Variants in SH3GL2 observed in about 807,000 individuals in gnomAD.
SH3GL2 encodes the protein SH3 domain containing GRB2 like 2, endophilin A1, also known as endophilin-A1.
In SH3GL2, 24 loss-of-function variants were observed where a neutral mutation model predicts 46.0. The observed-to-expected ratio is 0.52, with a 90% confidence interval of 0.38 to 0.73. The LOEUF is 0.73. Ranked by LOEUF, SH3GL2 falls within the 30% of genes least tolerant of loss-of-function variation. The pLI is 0.00. For missense variants in SH3GL2, 413 were observed against 424.2 expected (o/e 0.97, Z 0.23); for synonymous variants, 196 against 147.1 (o/e 1.33, Z -2.40).
At chr9:17,648,157 G>A (rs1819871316) in intron 1 of SH3GL2, among the ~76,000 whole-genome samples, 1 of 152,168 alleles carries the variant, frequency 6.6e-6, no homozygotes, top group South Asian at 2.1e-4. Context: ...GCTATTAGTA[G>A]TTAAGCTTTG....
chr9:17,629,101 A>G (rs1819361694), intron 1 of SH3GL2, among the ~76,000 whole-genome samples: 1 of 151,692 alleles, frequency 6.6e-6, no homozygotes, highest in African/African-American at 2.4e-5. Context: ...TAGTAGGAGG[A>G]TTGCGTGGAG....
intron 1 of SH3GL2, among the ~76,000 whole-genome samples, chr9:17,696,585 G>C (rs1185445558): frequency 6.6e-6 from 1 of 152,130 alleles, no homozygotes; most frequent in Non-Finnish European, 1.5e-5. Context: ...CGGTAGGAAG[G>C]AGAAGTGCCG....
At chr9:17,629,564 GT>G (rs372521707) in intron 1 of SH3GL2, among the ~76,000 whole-genome samples, 154 of 152,252 alleles carry the variant, frequency 1.0e-3, no homozygotes, top group South Asian at 5.8e-3. Context: ...TACAGCTCTG[GT>G]TGTACATAAG....
intron 1 of SH3GL2, among the ~76,000 whole-genome samples, chr9:17,609,360 A>G (rs1818818787): frequency 6.6e-6 from 1 of 152,064 alleles, no homozygotes; most frequent in South Asian, 2.1e-4. Context: ...AAGCAGATCC[A>G]TTGAGCACTT....
chr9:17,738,531 T>C (rs537834332), intron 1 of SH3GL2, among the ~76,000 whole-genome samples: 1 of 122,944 alleles, frequency 8.1e-6, no homozygotes, highest in Non-Finnish European at 1.7e-5. Context: ...TGTATATACA[T>C]ACATATATAC....
At chr9:17,590,686 C>G (rs1173676089) in intron 1 of SH3GL2, 3 of 152,142 alleles carry the variant, frequency 2.0e-5, no homozygotes, top group African/African-American at 4.8e-5. Context: ...TTCCCTAGCT[C>G]CAAGAAAAGC....
At chr9:17,679,473 G>A (rs1820707830) in intron 1 of SH3GL2, among the ~76,000 whole-genome samples, 1 of 152,144 alleles carries the variant, frequency 6.6e-6, no homozygotes, top group Non-Finnish European at 1.5e-5. Context: ...TTTGCACATT[G>A]ATTTTGTATC....
intron 1 of SH3GL2, among the ~76,000 whole-genome samples, chr9:17,678,380 G>A (rs1447002368): frequency 6.6e-6 from 1 of 152,000 alleles, no homozygotes; most frequent in South Asian, 2.1e-4. Context: ...TTTCTCTGAT[G>A]GTCAGTGATG....
At chr9:17,616,553 G>T (rs961776181) in intron 1 of SH3GL2, among the ~76,000 whole-genome samples, 4 of 152,106 alleles carry the variant, frequency 2.6e-5, no homozygotes, top group Non-Finnish European at 4.4e-5. Flanking sequence ...AGATCTGGGG[G>T]TCTGAGAGTC....
chr9:17,595,126 G>A lies in SH3GL2; in HGVS notation c.45+15839G>A, dbSNP rs138373512. Among the ~76,000 whole-genome samples the A allele has an allele frequency of 2.9e-3, 437 of 152,198 alleles. 1 individual carries two copies. Among genetic ancestry groups the A allele is most frequent in the African/African-American group, 0.01 (417 of 41,518 alleles). The stretch of plus-strand genomic sequence containing the variant: ...ATGAGGAAGCTGAAACACAGAGGTG[G>A]TTACACAGCTTCAGTGGCAGAGTCA... On this transcript the variant is annotated intron_variant, in intron 1 of 8. Transcript: ENST00000380607.
chr9:17,611,301 A>G (rs1818860561), intron 1 of SH3GL2, among the ~76,000 whole-genome samples: 1 of 152,192 alleles, frequency 6.6e-6, no homozygotes, highest in Non-Finnish European at 1.5e-5. Context: ...TGGGTACGTG[A>G]TAGACATATA....
At chr9:17,618,614 C>T (rs1032942796) in intron 1 of SH3GL2, among the ~76,000 whole-genome samples, 6 of 152,094 alleles carry the variant, frequency 3.9e-5, no homozygotes, top group African/African-American at 4.8e-5. Context: ...AATGTTAATG[C>T]GCTTGACTGT....
intron 1 of SH3GL2, among the ~76,000 whole-genome samples, chr9:17,602,583 C>T (rs1818691300): frequency 6.6e-6 from 1 of 152,052 alleles, no homozygotes; most frequent in Non-Finnish European, 1.5e-5. Context: ...GAGGAGTAAC[C>T]GGATCCCATG....
At chr9:17,656,569 G>C (rs1268073150) in intron 1 of SH3GL2, among the ~76,000 whole-genome samples, 1 of 151,954 alleles carries the variant, frequency 6.6e-6, no homozygotes, top group Non-Finnish European at 1.5e-5. Context: ...TGATTGGTAT[G>C]TTTTATCTTA....
chr9:17,602,644 G>A (rs1033670003), intron 1 of SH3GL2, among the ~76,000 whole-genome samples: 69 of 152,256 alleles, frequency 4.5e-4, no homozygotes, highest in African/African-American at 1.7e-3. Flanking sequence ...GCAAAAGAAG[G>A]ATTATAAACA....
chr9:17,596,094 A>T (rs1430668946), intron 1 of SH3GL2, among the ~76,000 whole-genome samples: 1 of 152,160 alleles, frequency 6.6e-6, no homozygotes, highest in Non-Finnish European at 1.5e-5. Context: ...CATCACGGGG[A>T]CTAGGAACAA....
At chr9:17,710,357 A>G (rs1437981446) in intron 1 of SH3GL2, among the ~76,000 whole-genome samples, 2 of 151,972 alleles carry the variant, frequency 1.3e-5, no homozygotes, top group Non-Finnish European at 2.9e-5. Flanking sequence ...AGTCTTGGGT[A>G]TGTCCTTATA....
intron 1 of SH3GL2, among the ~76,000 whole-genome samples, chr9:17,648,883 C>T (rs1310350390): frequency 6.6e-6 from 1 of 152,184 alleles, no homozygotes; most frequent in Admixed American, 6.5e-5. Flanking sequence ...GTTCTGTAGA[C>T]TACTCATCAT....
chr9:17,735,558 G>A (rs1243341386), intron 1 of SH3GL2: 1 of 152,016 alleles, frequency 6.6e-6, no homozygotes, highest in Non-Finnish European at 1.5e-5. Context: ...GAATATTCAT[G>A]GGATGTGAGC....
Sources: allele counts gnomAD v4.1 joint callset (sites outside exome capture counted in the v4.1 genomes callset), GRCh38; gene constraint gnomAD v4.1.1; transcripts MANE v1.5; gene names NCBI Gene and HGNC (gene_info 2026-07-23, HGNC 2026-07-21).